RUVBL1: variants seen among roughly 807,000 people sequenced by gnomAD.
The protein encoded by RUVBL1 is ruvB-like 1.
A neutral mutation model predicts 52.4 loss-of-function variants in RUVBL1; 4 were observed. That is an observed-to-expected ratio of 0.08 (90% CI 0.04 to 0.17). The LOEUF (loss-of-function observed/expected upper bound fraction) is 0.17, where lower values mean the gene tolerates loss of function less well. Among genes scored for constraint, RUVBL1 ranks in the 10% least tolerant of loss-of-function variants. RUVBL1 has a pLI of 1.00. For synonymous variants in RUVBL1, 217 were observed against 214.4 expected (o/e 1.01, Z -0.10); for missense variants, 298 against 572.8 (o/e 0.52, Z 4.90).
intron 1 of RUVBL1, among the ~76,000 whole-genome samples, chr3:128,133,644 G>C (rs1325230122): frequency 1.3e-5 from 2 of 152,256 alleles, no homozygotes; most frequent in African/African-American, 4.8e-5. Flanking sequence ...CACCAAGGTA[G>C]CACCTCTATG....
intron 7 of RUVBL1, 42 bp from the exon 8 acceptor site, chr3:128,097,540 TG>T: frequency 6.4e-7 from 1 of 1,566,772 alleles, no homozygotes. Flanking sequence ...AGCACAGGGC[TG>T]GGGGAGACTA....
chr3:128,101,355 G>A (rs995779965), intron 5 of RUVBL1, among the ~76,000 whole-genome samples: 4 of 152,082 alleles, frequency 2.6e-5, no homozygotes, highest in East Asian at 1.9e-4. Context: ...TTTTAATCGC[G>A]AGAAGGTTAA....
intron 9 of RUVBL1, chr3:128,069,435 C>T (rs1185024685): frequency 6.3e-7 from 1 of 1,589,104 alleles, no homozygotes; most frequent in East Asian, 2.2e-5. Flanking sequence ...TCACGGGGAG[C>T]TCTGTGGGTG....
intron 2 of RUVBL1, among the ~76,000 whole-genome samples, chr3:128,113,388 T>C (rs1346632757): frequency 6.6e-6 from 1 of 152,138 alleles, no homozygotes; most frequent in African/African-American, 2.4e-5. Context: ...ATCTAGAAAA[T>C]GGCAGCGCAG....
chr3:128,085,025 T>C (rs912289190), intron 9 of RUVBL1: 1 of 152,394 alleles, frequency 6.6e-6, no homozygotes, highest in African/African-American at 2.4e-5. Context: ...CAGTCCTGGC[T>C]CTGCTGCTTA....
In RUVBL1 at chr3:128,081,012, AT is replaced by A. The variant is rs1942457939; in HGVS notation, c.*237del. On this transcript the variant is annotated 3_prime_UTR_variant, in exon 11 of 11. Transcript: ENST00000322623. This position sits in a 1 kb window ranked among gnomAD's most constrained non-coding sequence, Gnocchi z 4.8. ...AAACTTAGAGAGAGAGAGAGAGAGA[AT>A]CAAAATAACCTATGAAGATTTATAG... 2.2e-6 allele frequency: 1 copy of A among 450,548 alleles called. No individual in the cohort carries two copies. The highest frequency in any genetic ancestry group is 2.0e-5 in the African/African-American group (1 of 51,276). 27.9% of individuals were successfully genotyped at this position (450,548 alleles called of 1,614,324 possible). A position where few individuals can be genotyped will look rare whatever the true frequency, so the allele number is the denominator to read the frequency against.
At position 128,081,521 on chromosome 3, in the gene RUVBL1, T is replaced by TC; in HGVS notation, c.1212-113_1212-112insG. On this transcript the variant is annotated intron_variant, in intron 10 of 10. Coordinates refer to ENST00000322623, the MANE Select transcript of RUVBL1 (RefSeq NM_003707.3). The surrounding 1 kb of genome is among the most constrained non-coding windows in gnomAD (Gnocchi z 4.8). ...CCAGGAGCAGAGCCCAGTGCTGGGC[T>TC]TGTGCCAGCTGCTACGAACACAGAA... 5.5e-6 allele frequency: 6 copies of TC among 1,097,004 alleles called. No homozygotes were observed. The highest frequency in any genetic ancestry group is 1.6e-5 in the South Asian group (1 of 62,384). 68.0% of individuals were successfully genotyped at this position (1,097,004 alleles called of 1,614,324 possible).
intron 8 of RUVBL1, among the ~76,000 whole-genome samples, chr3:128,095,287 G>A (rs7428459): frequency 1.1e-4 from 17 of 152,368 alleles, no homozygotes; most frequent in Middle Eastern, 3.4e-3. Flanking sequence ...TACTGTGGAG[G>A]GAGGGAAGCC....
chr3:128,137,000 C>A (rs538619638), intron 1 of RUVBL1, among the ~76,000 whole-genome samples: 19 of 152,178 alleles, frequency 1.2e-4, no homozygotes, highest in Admixed American at 1.0e-3. Context: ...ATTTACAGAA[C>A]ATTTCTTCCA....
upstream of RUVBL1, among the ~76,000 whole-genome samples, chr3:128,124,195 T>G (rs1943730496): frequency 6.6e-6 from 1 of 152,012 alleles, no homozygotes; most frequent in African/African-American, 2.4e-5. Context: ...TGGGATTGGT[T>G]ACTAACCAAT....
At chr3:128,124,393 G>A (rs1943749563), upstream of RUVBL1, among the ~76,000 whole-genome samples, 1 of 151,736 alleles carries the variant, frequency 6.6e-6, no homozygotes, top group African/African-American at 2.4e-5. Flanking sequence ...GTAAGGTAGT[G>A]TAATTACGCA....
At chr3:128,124,745 G>C (rs568426822), upstream of RUVBL1, among the ~76,000 whole-genome samples, 1 of 152,314 alleles carries the variant, frequency 6.6e-6, no homozygotes, top group East Asian at 1.9e-4. Context: ...CACCCAGGTG[G>C]CGAGAAGACC....
chr3:128,082,757 A>G lies in RUVBL1; in HGVS notation c.1120-183T>C. 1.8e-6 allele frequency: 1 copy of G among 558,034 alleles called. No individual in the cohort carries two copies. Among genetic ancestry groups the G allele is most frequent in the South Asian group, 2.0e-5 (1 of 49,758 alleles). The allele number at this position is 558,034 out of a possible 1,614,324, so 34.6% of individuals were successfully genotyped here. A position where few individuals can be genotyped will look rare whatever the true frequency, so the allele number is the denominator to read the frequency against. On this transcript the variant is annotated intron_variant, in intron 9 of 10. Coordinates refer to ENST00000322623, the MANE Select transcript of RUVBL1 (RefSeq NM_003707.3). This position sits in a 1 kb window ranked among gnomAD's most constrained non-coding sequence, Gnocchi z 4.7. ...GCCGGCCCGGCACCCTCCAGGAGGC[A>G]TGTGCGGCCCTGCAGTATGCATGAA...
Position 128,133,646 on chromosome 3 carries a change from A to T in RUVBL1, c.-39-14232T>A, listed in dbSNP as rs1368256322. On this transcript the variant is annotated intron_variant, in intron 1 of 9. Coordinates refer to the RUVBL1 transcript ENST00000464873. ...TCTTACCCAAGACCACCAAGGTAGC[A>T]CCTCTATGCAGCTGAAAGTCACAGC... 2.0e-5 allele frequency among the ~76,000 whole-genome samples: 3 copies of T among 152,238 alleles called. No individual in the cohort carries two copies. The East Asian group carries it at 5.8e-4, about 29-fold the overall frequency.
chr3:128,104,629 C>T (rs1294272238), intron 4 of RUVBL1, 144 bp downstream of exon 4: 2 of 652,910 alleles, frequency 3.1e-6, no homozygotes, highest in African/African-American at 1.8e-5. Flanking sequence ...TTTATACACA[C>T]AATATCCTCA....
At chr3:128,097,536 G>C in intron 7 of RUVBL1, 38 bp from the exon 8 acceptor site, 1 of 1,581,206 alleles carries the variant, frequency 6.3e-7, no homozygotes, top group Non-Finnish European at 8.7e-7. Context: ...GGTCAGCACA[G>C]GGCTGGGGGA....
At chr3:128,153,896 C>G (rs1388277218) in exon 1 of RUVBL1, 7 of 1,427,792 alleles carry the variant, frequency 4.9e-6, no homozygotes, top group Non-Finnish European at 6.4e-6. Context: ...TCCGAATTCG[C>G]TCGAGCCTTT....
intron 3 of RUVBL1, among the ~76,000 whole-genome samples, chr3:128,110,930 G>A (rs1246399437): frequency 6.6e-6 from 1 of 151,636 alleles, no homozygotes; most frequent in African/African-American, 2.4e-5. Flanking sequence ...AAAGACTTCT[G>A]GGATTACAGG....
intron 4 of RUVBL1, among the ~76,000 whole-genome samples, chr3:128,103,394 G>C (rs1943149830): frequency 1.3e-5 from 2 of 152,200 alleles, no homozygotes; most frequent in Admixed American, 6.5e-5. Flanking sequence ...AGGTATAAAA[G>C]AGATATTTGC....
Sources: allele counts gnomAD v4.1 joint callset (sites outside exome capture counted in the v4.1 genomes callset), GRCh38; gene constraint gnomAD v4.1.1; non-coding constraint Gnocchi (gnomAD v3.1); transcripts MANE v1.5; gene names NCBI Gene and HGNC (gene_info 2026-07-23, HGNC 2026-07-21).